Variants in ARHGAP1 observed in about 807,000 individuals in gnomAD.
The protein encoded by ARHGAP1 is rho GTPase-activating protein 1.
ARHGAP1 carries 23 observed loss-of-function variants against 52.2 expected under a neutral mutation model. That is an observed-to-expected ratio of 0.44 (90% CI 0.32 to 0.62). The LOEUF is 0.62. Ranked by LOEUF, ARHGAP1 falls within the 20% of genes least tolerant of loss-of-function variation. The probability of loss-of-function intolerance (pLI) is 0.05; values close to 1 mark genes in which losing one functional copy is unlikely to be tolerated. For synonymous variants in ARHGAP1, 210 were observed against 228.4 expected, an observed-to-expected ratio of 0.92 and a Z score of 0.73; for missense variants, 480 against 560.9, an observed-to-expected ratio of 0.86 and a Z score of 1.46.
chr11:46,698,459 A>T (rs1374838405), intron 1 of ARHGAP1, among the ~76,000 whole-genome samples: 2 of 151,820 alleles, frequency 1.3e-5, no homozygotes, highest in Non-Finnish European at 2.9e-5. Context: ...AAAAAAAAAA[A>T]TAGCCAGGCA....
At position 46,678,880 on chromosome 11, in the gene ARHGAP1, G is replaced by T; in HGVS notation, c.*157C>A. The T allele has an allele frequency of 1.2e-6, 1 of 831,266 alleles. No homozygotes were observed. Among genetic ancestry groups the T allele is most frequent in the South Asian group, 1.8e-5 (1 of 55,492 alleles). 51.5% of individuals were successfully genotyped at this position (831,266 alleles called of 1,614,324 possible). On this transcript the variant is annotated 3_prime_UTR_variant, in exon 13 of 13. Coordinates refer to ENST00000311956, the MANE Select transcript of ARHGAP1 (RefSeq NM_004308.5). Reference sequence around the variant, plus strand: ...AACGTCTTCTGGTAACAGCGAGGCCGCCAGGGCCGTGAGGCGGGCTGGACA... The same window carrying T: ...AACGTCTTCTGGTAACAGCGAGGCCTCCAGGGCCGTGAGGCGGGCTGGACA...
At position 46,692,923 on chromosome 11, in the gene ARHGAP1, G is replaced by A. The variant is rs1179517885; in HGVS notation, c.229+2737C>T. 4.0e-5 allele frequency among the ~76,000 whole-genome samples: 6 copies of A among 151,196 alleles called. No homozygotes were observed. In the East Asian group the frequency reaches 1.2e-3, roughly 29 times the overall value. On this transcript the variant is annotated intron_variant, in intron 3 of 12. Coordinates refer to ENST00000311956, the MANE Select transcript of ARHGAP1 (RefSeq NM_004308.5). ...GCTGGAGTGCAGTGGCACGATCTCC[G>A]CTCACTGCAAGCTCCGCCTCCCGGG...
chr11:46,699,825 C>T (rs772496711), intron 1 of ARHGAP1, among the ~76,000 whole-genome samples: 4 of 152,108 alleles, frequency 2.6e-5, no homozygotes, highest in African/African-American at 9.7e-5. Context: ...TAGAGCTTCA[C>T]GGTTTACAAA....
intron 1 of ARHGAP1, chr11:46,697,104 T>A (rs1422904254): frequency 1.3e-5 from 2 of 152,520 alleles, no homozygotes; most frequent in African/African-American, 2.4e-5. Context: ...GAAAGGGGGA[T>A]GCTCGTGATG....
chr11:46,681,205 C>T lies in ARHGAP1; in HGVS notation c.536+88G>A, dbSNP rs193145255. On this transcript the variant is annotated intron_variant, in intron 6 of 12. Coordinates refer to ENST00000311956, the MANE Select transcript of ARHGAP1 (RefSeq NM_004308.5). The surrounding 1 kb of genome is among the most constrained non-coding windows in gnomAD (Gnocchi z 5.7). ...CACCCAGTTCAGACGGAAGCCCAGC[C>T]GCACCTGGTGGTCCCCAGGCTGCCC... 3.3e-4 allele frequency: 513 copies of T among 1,539,610 alleles called. 3 individuals are homozygous for T. In the African/African-American group the frequency reaches 6.0e-3, roughly 18 times the overall value.
intron 1 of ARHGAP1, among the ~76,000 whole-genome samples, chr11:46,698,665 G>T (rs2064675929): frequency 6.6e-6 from 1 of 151,096 alleles, no homozygotes; most frequent in South Asian, 2.1e-4. Flanking sequence ...GAGGGAGAAG[G>T]ACACCATCTA....
chr11:46,688,941 G>C (rs185783629), intron 3 of ARHGAP1, among the ~76,000 whole-genome samples: 40 of 152,042 alleles, frequency 2.6e-4, no homozygotes, highest in African/African-American at 9.4e-4. Context: ...AAAATTAGCT[G>C]GGTGTGGTGG....
chr11:46,679,097 G>A lies in ARHGAP1; in HGVS notation c.1260C>T (p.Thr420=). The change falls in exon 13 of 13, where the codon ACC becomes ACT. Residue 420 remains threonine (T), a synonymous_variant. Transcript: ENST00000311956. This position sits in a 1 kb window ranked among gnomAD's most constrained non-coding sequence, Gnocchi z 4.4. ...LKAINPINTF[T]KFLLDHQGEL... Reference sequence around the variant, plus strand: ...CCCCTTGGTGATCCAGAAGGAACTTGGTGAAGGTGTTGATGGGATTAATGG... The same window carrying A: ...CCCCTTGGTGATCCAGAAGGAACTTAGTGAAGGTGTTGATGGGATTAATGG... The A allele has an allele frequency of 6.2e-7, 1 of 1,614,208 alleles. No homozygotes were observed.
rs1038977665 is a variant in ARHGAP1 at position 46,678,369 on chromosome 11, G to A, written c.*668C>T. The A allele has an allele frequency of 5.9e-6, 1 of 170,790 alleles. No homozygotes were observed. The highest frequency in any genetic ancestry group is 1.3e-5 in the Non-Finnish European group (1 of 78,452). The allele number at this position is 170,790 out of a possible 1,614,324, so 10.6% of individuals were successfully genotyped here. On this transcript the variant is annotated 3_prime_UTR_variant, in exon 13 of 13. Transcript: ENST00000311956. ...AAGCTACCAGTCCCTGCACAACCAAGGGGTTAGGACACCCCAGGGGCAGTA... is the reference window on the plus strand; with the variant it reads ...AAGCTACCAGTCCCTGCACAACCAAAGGGTTAGGACACCCCAGGGGCAGTA...
Position 46,677,841 on chromosome 11 carries a change from T to A in ARHGAP1, c.*1196A>T. 2.7e-6 allele frequency: 1 copy of A among 375,782 alleles called. No individual in the cohort carries two copies. The allele number at this position is 375,782 out of a possible 1,614,324, so 23.3% of individuals were successfully genotyped here. The stretch of plus-strand genomic sequence containing the variant: ...GGCATGCACCTATAGTCCCAGCTAC[T>A]CAGGAGGCTGAGGCAGGAGAATTGC... On this transcript the variant is annotated 3_prime_UTR_variant, in exon 13 of 13. Coordinates refer to ENST00000311956, the MANE Select transcript of ARHGAP1 (RefSeq NM_004308.5).
chr11:46,680,119 G>A lies in ARHGAP1; in HGVS notation c.898+86C>T, dbSNP rs1397926916. The stretch of plus-strand genomic sequence containing the variant: ...AACCTCCAGCAGGAAGAGACTCTGA[G>A]ACTCTCATTTACAGGGCAGCAGAGG... On this transcript the variant is annotated intron_variant, in intron 10 of 12. Transcript: ENST00000311956. The surrounding 1 kb of genome is among the most constrained non-coding windows in gnomAD (Gnocchi z 5.9). 3 of 1,443,470 alleles carry A rather than the reference G, an allele frequency of 2.1e-6. No homozygotes were observed. The highest frequency in any genetic ancestry group is 2.9e-6 in the Non-Finnish European group (3 of 1,029,014). The allele number at this position is 1,443,470 out of a possible 1,614,324, so 89.4% of individuals were successfully genotyped here. A position where few individuals can be genotyped will look rare whatever the true frequency, so the allele number is the denominator to read the frequency against.
At chr11:46,685,533 G>C (rs2064562349) in intron 4 of ARHGAP1, among the ~76,000 whole-genome samples, 1 of 151,808 alleles carries the variant, frequency 6.6e-6, no homozygotes, top group Non-Finnish European at 1.5e-5. Flanking sequence ...TGCCATGTTG[G>C]TCAGGCTGGT....
rs1176897207 is a variant in ARHGAP1 at position 46,678,093 on chromosome 11, G to A, written c.*944C>T. 9.9e-6 allele frequency: 3 copies of A among 303,286 alleles called. No homozygotes were observed. The highest frequency in any genetic ancestry group is 7.4e-5 in the South Asian group (3 of 40,662). The allele number at this position is 303,286 out of a possible 1,614,324, so 18.8% of individuals were successfully genotyped here. ...CCCCAGCCCCTTTAAGAGTCCCCCA[G>A]CTGGAGGAAGGAGCCATAAGATCCT... On this transcript the variant is annotated 3_prime_UTR_variant, in exon 13 of 13. Transcript: ENST00000311956.
At chr11:46,698,241 G>A (rs767004101) in intron 1 of ARHGAP1, among the ~76,000 whole-genome samples, 3 of 152,146 alleles carry the variant, frequency 2.0e-5, no homozygotes, top group Non-Finnish European at 4.4e-5. Flanking sequence ...AGGCAATGGC[G>A]CCTCCCAGAA....
chr11:46,692,059 TG>T (rs1162293430), intron 3 of ARHGAP1, among the ~76,000 whole-genome samples: 1 of 152,134 alleles, frequency 6.6e-6, no homozygotes, highest in African/African-American at 2.4e-5. Context: ...AAGGACCAGG[TG>T]GTACCTGCTC....
intron 3 of ARHGAP1, among the ~76,000 whole-genome samples, chr11:46,689,398 T>G (rs1428759141): frequency 6.6e-6 from 1 of 152,086 alleles, no homozygotes; most frequent in Non-Finnish European, 1.5e-5. Flanking sequence ...GGGTACAGCA[T>G]TTGGTATGGG....
chr11:46,681,904 G>A lies in ARHGAP1; in HGVS notation c.449+147C>T. On this transcript the variant is annotated intron_variant, in intron 5 of 12. Coordinates refer to ENST00000311956, the MANE Select transcript of ARHGAP1 (RefSeq NM_004308.5). The surrounding 1 kb of genome is among the most constrained non-coding windows in gnomAD (Gnocchi z 5.7). ...GCCTTACTTAAGCCCAGGGTGATCT[G>A]ACTGCAGATTCTTTACATTGACGTA... is the stretch of plus-strand genomic sequence containing the variant. 3 of 1,136,414 alleles carry A rather than the reference G, an allele frequency of 2.6e-6. No individual in the cohort carries two copies. The highest frequency in any genetic ancestry group is 1.6e-5 in the African/African-American group (1 of 64,432). The allele number at this position is 1,136,414 out of a possible 1,614,324, so 70.4% of individuals were successfully genotyped here. A position where few individuals can be genotyped will look rare whatever the true frequency, so the allele number is the denominator to read the frequency against.
In ARHGAP1 at chr11:46,680,847, C is replaced by T. The variant is rs1294758781; in HGVS notation, c.636-100G>A. 2.8e-6 allele frequency: 3 copies of T among 1,084,510 alleles called. No individual in the cohort carries two copies. The highest frequency in any genetic ancestry group is 1.6e-5 in the African/African-American group (1 of 63,670). 67.2% of individuals were successfully genotyped at this position (1,084,510 alleles called of 1,614,324 possible). On this transcript the variant is annotated intron_variant, in intron 7 of 12. Transcript: ENST00000311956. This position sits in a 1 kb window ranked among gnomAD's most constrained non-coding sequence, Gnocchi z 5.9. The stretch of plus-strand genomic sequence containing the variant: ...CCACGCGGGGTCAGGAGGATCATCT[C>T]ATGCGATCTCTGTAACAACTCCGCT...
At chr11:46,695,941 G>A (rs1490159632) in intron 2 of ARHGAP1, 34 bp downstream of exon 2, 16 of 1,613,840 alleles carry the variant, frequency 9.9e-6, no homozygotes, top group Admixed American at 1.7e-5. Flanking sequence ...CCTCTAAAGC[G>A]CCTGTAGCTG....
Sources: gnomAD v4.1 joint callset for allele counts (sites outside exome capture counted in the v4.1 genomes callset) on GRCh38, gnomAD v4.1.1 for gene constraint, Gnocchi (gnomAD v3.1) non-coding constraint, MANE v1.5 for transcripts, NCBI Gene and HGNC (gene_info 2026-07-23, HGNC 2026-07-21) for gene names.